The following PACRG variants were observed in gnomAD, a reference collection of about 807,000 sequenced individuals.
The protein encoded by PACRG is parkin coregulated gene protein.
PACRG carries 29 observed loss-of-function variants against 29.7 expected under a neutral mutation model. The ratio of observed to expected loss-of-function variants is 0.98; its 90% CI spans 0.73 to 1.33. The LOEUF (loss-of-function observed/expected upper bound fraction) is 1.33. PACRG is among the 40% of genes most tolerant of loss of function. PACRG has a pLI of 0.00. For missense variants in PACRG, 279 were observed against 316.2 expected (o/e 0.88, Z 0.89); for synonymous variants, 116 against 118.7 (o/e 0.98, Z 0.15).
intron 4 of PACRG, among the ~76,000 whole-genome samples, chr6:163,298,002 G>A (rs542481049): frequency 6.6e-6 from 1 of 152,198 alleles, no homozygotes; most frequent in African/African-American, 2.4e-5. Context: ...GTGGTGGCCC[G>A]GGATACCTGG....
intron 4 of PACRG, among the ~76,000 whole-genome samples, chr6:163,175,674 G>A (rs936346797): frequency 2.6e-5 from 4 of 151,698 alleles, no homozygotes; most frequent in African/African-American, 4.9e-5. Context: ...AGGGTTTCCT[G>A]AGGCCTGGCC....
intron 2 of PACRG, among the ~76,000 whole-genome samples, chr6:162,911,884 A>C (rs190651798): frequency 2.6e-5 from 4 of 152,334 alleles, no homozygotes; most frequent in Admixed American, 2.6e-4. Context: ...CTGTAGAAAA[A>C]GTTGCCTTCA....
chr6:162,807,887 G>A (rs377602176), intron 1 of PACRG, among the ~76,000 whole-genome samples: 11 of 152,060 alleles, frequency 7.2e-5, no homozygotes, highest in East Asian at 5.8e-4. Context: ...CTACGTATCC[G>A]TAACAAATAA....
intron 4 of PACRG, among the ~76,000 whole-genome samples, chr6:163,274,374 T>C (rs1258257147): frequency 6.6e-6 from 1 of 152,258 alleles, no homozygotes; most frequent in South Asian, 2.1e-4. Context: ...TCCATTTTTA[T>C]GGCTGCATAG....
At chr6:163,194,514 C>G (rs1038109949) in intron 4 of PACRG, among the ~76,000 whole-genome samples, 1 of 152,104 alleles carries the variant, frequency 6.6e-6, no homozygotes, top group Non-Finnish European at 1.5e-5. Context: ...CTGGGCTGCA[C>G]AAGCCACAGG....
intron 2 of PACRG, among the ~76,000 whole-genome samples, chr6:163,008,450 A>G (rs1423470260): frequency 1.3e-5 from 2 of 152,018 alleles, no homozygotes; most frequent in Non-Finnish European, 2.9e-5. Context: ...CAGATTCTCT[A>G]AACTCACAGA....
chr6:163,282,060 G>A (rs1434359570), intron 4 of PACRG, among the ~76,000 whole-genome samples: 2 of 151,808 alleles, frequency 1.3e-5, no homozygotes, highest in African/African-American at 4.8e-5. Flanking sequence ...TATTGTTTGG[G>A]TCACTTGAAA....
At chr6:162,922,629 A>AT (rs1322837587) in intron 2 of PACRG, among the ~76,000 whole-genome samples, 1 of 151,318 alleles carries the variant, frequency 6.6e-6, no homozygotes, top group Non-Finnish European at 1.5e-5. Context: ...CTATGAGCTC[A>AT]TTTTTTTAAC....
chr6:163,296,140 CA>C (rs1282919259), intron 4 of PACRG, among the ~76,000 whole-genome samples: 2 of 152,158 alleles, frequency 1.3e-5, no homozygotes, highest in Non-Finnish European at 2.9e-5. Flanking sequence ...TATTTCTTGC[CA>C]AAAGCTCTAA....
chr6:163,314,446 G>A (rs930828275), intron 4 of PACRG, among the ~76,000 whole-genome samples: 54 of 152,252 alleles, frequency 3.5e-4, no homozygotes, highest in African/African-American at 1.2e-3. Flanking sequence ...CACACGGAAC[G>A]AACAGCCTGA....
chr6:162,997,823 A>G (rs534784034), intron 2 of PACRG, among the ~76,000 whole-genome samples: 1 of 152,328 alleles, frequency 6.6e-6, no homozygotes, highest in South Asian at 2.1e-4. Flanking sequence ...CTCTTCAGTG[A>G]AATGCCTGAA....
At chr6:163,216,851 G>A (rs1473324661) in intron 4 of PACRG, among the ~76,000 whole-genome samples, 2 of 152,152 alleles carry the variant, frequency 1.3e-5, no homozygotes, top group Non-Finnish European at 2.9e-5. Context: ...TTAAGGTTCT[G>A]CTGTCTTTAA....
At chr6:162,865,017 G>T (rs1387018783) in intron 2 of PACRG, among the ~76,000 whole-genome samples, 1 of 152,110 alleles carries the variant, frequency 6.6e-6, no homozygotes, top group Non-Finnish European at 1.5e-5. Flanking sequence ...ATAGCTGTTC[G>T]GAGTTTGCAG....
chr6:163,256,769 G>A (rs971014285), intron 4 of PACRG, among the ~76,000 whole-genome samples: 2 of 152,204 alleles, frequency 1.3e-5, no homozygotes, highest in South Asian at 4.1e-4. Context: ...GAGTGAGACG[G>A]GAGGTCCATG....
intron 2 of PACRG, among the ~76,000 whole-genome samples, chr6:162,838,899 A>C (rs1789498555): frequency 6.7e-6 from 1 of 148,928 alleles, no homozygotes; most frequent in South Asian, 2.2e-4. Flanking sequence ...AATTTCATCC[A>C]TGTCCCTACA....
intron 4 of PACRG, among the ~76,000 whole-genome samples, chr6:163,107,088 C>A (rs188796220): frequency 6.6e-6 from 1 of 151,714 alleles, no homozygotes; most frequent in East Asian, 1.9e-4. Flanking sequence ...GAAAGAGAAA[C>A]AGAGAGAGGG....
intron 1 of PACRG, among the ~76,000 whole-genome samples, chr6:162,763,948 T>A (rs550768747): frequency 6.6e-6 from 1 of 152,166 alleles, no homozygotes; most frequent in Non-Finnish European, 1.5e-5. Flanking sequence ...ACTGTTAAAG[T>A]GTCTGCTCTA....
chr6:163,165,730 C>T (rs1778772287), intron 4 of PACRG: 1 of 250,520 alleles, frequency 4.0e-6, no homozygotes, highest in Non-Finnish European at 7.9e-6. Context: ...GTCCAGGCTT[C>T]GGGAAGCTAA....
At chr6:162,730,012 T>G (rs914844888) in intron 1 of PACRG, among the ~76,000 whole-genome samples, 8 of 151,850 alleles carry the variant, frequency 5.3e-5, no homozygotes, top group Non-Finnish European at 1.2e-4. Flanking sequence ...AATTCTTAAA[T>G]GCAAACATTA....
Sources: gnomAD v4.1 joint callset for allele counts (sites outside exome capture counted in the v4.1 genomes callset) on GRCh38, gnomAD v4.1.1 for gene constraint, MANE v1.5 for transcripts, NCBI Gene and HGNC (gene_info 2026-07-23, HGNC 2026-07-21) for gene names.